AMPH: variants seen among roughly 807,000 people sequenced by gnomAD.
AMPH encodes the protein amphiphysin.
In AMPH, 49 loss-of-function variants were observed where a neutral mutation model predicts 99.1. The observed-to-expected ratio is 0.49, with a 90% CI of 0.39 to 0.63. AMPH has a LOEUF of 0.63. Ranked by LOEUF, AMPH falls within the 20% of genes least tolerant of loss-of-function variation. The pLI is 0.00. For synonymous variants in AMPH, 314 were observed against 317.3 expected (o/e 0.99, Z 0.11); for missense variants, 759 against 863.4 (o/e 0.88, Z 1.52).
At chr7:38,447,628 G>A (rs1472926553) in intron 11 of AMPH, among the ~76,000 whole-genome samples, 2 of 151,880 alleles carry the variant, frequency 1.3e-5, no homozygotes, top group African/African-American at 2.4e-5. Context: ...CATTTTCTGA[G>A]GATCTTAACC....
intron 17 of AMPH, among the ~76,000 whole-genome samples, chr7:38,403,844 G>A (rs550335846): frequency 1.8e-3 from 270 of 152,326 alleles, no homozygotes; most frequent in Admixed American, 2.8e-3. Context: ...CTGGGGCCTT[G>A]GGCAAGTGCA....
chr7:38,440,757 C>T (rs1478399053), intron 11 of AMPH, among the ~76,000 whole-genome samples: 18 of 151,382 alleles, frequency 1.2e-4, no homozygotes, highest in Admixed American at 8.6e-4. Flanking sequence ...AAAGTAACAA[C>T]TAAAATGACA....
intron 1 of AMPH, among the ~76,000 whole-genome samples, chr7:38,539,452 T>C (rs1790730193): frequency 1.3e-5 from 2 of 151,650 alleles, no homozygotes; most frequent in African/African-American, 4.9e-5. Context: ...TATAAGGGGG[T>C]CACACAGTAA....
chr7:38,548,190 G>A (rs768736282), intron 1 of AMPH, among the ~76,000 whole-genome samples: 4 of 151,864 alleles, frequency 2.6e-5, no homozygotes, highest in South Asian at 2.1e-4. Context: ...CACCACACCC[G>A]GCTAATTTTT....
chr7:38,590,626 C>G (rs890254647), intron 1 of AMPH, among the ~76,000 whole-genome samples: 8 of 152,208 alleles, frequency 5.3e-5, no homozygotes, highest in Non-Finnish European at 1.0e-4. Context: ...ACCTCCTGCT[C>G]TTAGCCTAAT....
At chr7:38,609,624 G>A (rs1793556486) in intron 1 of AMPH, among the ~76,000 whole-genome samples, 1 of 152,076 alleles carries the variant, frequency 6.6e-6, no homozygotes, top group South Asian at 2.1e-4. Context: ...AGAAAGATCT[G>A]GATCTAAGGC....
At chr7:38,442,837 A>G (rs1786606410) in intron 11 of AMPH, among the ~76,000 whole-genome samples, 1 of 152,114 alleles carries the variant, frequency 6.6e-6, no homozygotes, top group African/African-American at 2.4e-5. Flanking sequence ...GAAACTGGAA[A>G]TTATACAGAT....
At chr7:38,578,019 G>A (rs1376646812) in intron 1 of AMPH, among the ~76,000 whole-genome samples, 1 of 152,132 alleles carries the variant, frequency 6.6e-6, no homozygotes, top group Non-Finnish European at 1.5e-5. Flanking sequence ...GACAACACAC[G>A]ACTACACTGT....
At chr7:38,610,311 GAAAAGAAAAGAAAAGAAAAGAA>G (rs1311728920) in intron 1 of AMPH, among the ~76,000 whole-genome samples, 1 of 24,514 alleles carries the variant, frequency 4.1e-5, no homozygotes, top group African/African-American at 2.2e-4. Context: ...GAAAAGAAAA[GAAAAGAAAAGAAAAGAAAAGAA>G]AAAAGAAAAG....
intron 20 of AMPH, among the ~76,000 whole-genome samples, chr7:38,386,912 A>G (rs1361033466): frequency 1.3e-5 from 2 of 152,218 alleles, no homozygotes; most frequent in East Asian, 3.8e-4. Context: ...GATGTGGGGC[A>G]TTCACAGCAT....
chr7:38,423,459 C>T (rs1219374770), intron 15 of AMPH, among the ~76,000 whole-genome samples: 3 of 152,176 alleles, frequency 2.0e-5, no homozygotes, highest in African/African-American at 2.4e-5. Flanking sequence ...AAAGATGAGC[C>T]AGTGCCTTTT....
At chr7:38,615,073 G>A (rs758474426) in intron 1 of AMPH, among the ~76,000 whole-genome samples, 1 of 152,082 alleles carries the variant, frequency 6.6e-6, no homozygotes, top group Non-Finnish European at 1.5e-5. Flanking sequence ...ACTCAATATT[G>A]CAGAATAACT....
chr7:38,608,361 C>G (rs1445471086), intron 1 of AMPH, among the ~76,000 whole-genome samples: 1 of 152,166 alleles, frequency 6.6e-6, no homozygotes, highest in African/African-American at 2.4e-5. Context: ...CTGAAGGCAA[C>G]GTGCTCTCTC....
chr7:38,497,370 T>C (rs1393600862), intron 3 of AMPH, among the ~76,000 whole-genome samples: 1 of 152,154 alleles, frequency 6.6e-6, no homozygotes, highest in Non-Finnish European at 1.5e-5. Context: ...GTAAGACAAA[T>C]GCCCAGCATC....
intron 2 of AMPH, among the ~76,000 whole-genome samples, chr7:38,527,460 G>A (rs938326324): frequency 6.6e-6 from 1 of 152,248 alleles, no homozygotes; most frequent in Middle Eastern, 3.4e-3. Context: ...GATCCTGTAT[G>A]TGTTTTGTTA....
At chr7:38,407,021 C>CCTCT (rs71558121) in intron 17 of AMPH, among the ~76,000 whole-genome samples, 82 of 3,700 alleles carry the variant, frequency 0.022, 5 homozygotes, top group African/African-American at 0.039. Context: ...CTAATAGACT[C>CCTCT]CTCTCTCTCT....
rs189244600 is a variant in AMPH at position 38,396,485 on chromosome 7, G to C, written c.1399-2271C>G. 1.6e-4 allele frequency among the ~76,000 whole-genome samples: 25 copies of C among 152,288 alleles called. 1 individual carries two copies. The Middle Eastern group carries it at 0.01, about 62-fold the overall frequency. On this transcript the variant is annotated intron_variant, in intron 17 of 20. Coordinates refer to ENST00000356264, the MANE Select transcript of AMPH (RefSeq NM_001635.4). ...TCTTTTGCAAATTGCCCAGTCTCAG[G>C]TATGTCTTTATCAGCAGCATGAAAA...
chr7:38,528,521 T>C (rs1790276154), intron 2 of AMPH, among the ~76,000 whole-genome samples: 2 of 152,150 alleles, frequency 1.3e-5, no homozygotes, highest in African/African-American at 4.8e-5. Context: ...AAGTATAAAG[T>C]TGCTTGTATT....
intron 17 of AMPH, among the ~76,000 whole-genome samples, chr7:38,414,091 ATC>A (rs1785295437): frequency 6.6e-6 from 1 of 152,212 alleles, no homozygotes; most frequent in Non-Finnish European, 1.5e-5. Context: ...ACTCAAATAT[ATC>A]TGTCAACTGA....
Sources: gnomAD v4.1 joint callset for allele counts (sites outside exome capture counted in the v4.1 genomes callset) on GRCh38, gnomAD v4.1.1 for gene constraint, MANE v1.5 for transcripts, NCBI Gene and HGNC (gene_info 2026-07-23, HGNC 2026-07-21) for gene names.